Variants in RECQL5 observed in about 807,000 individuals in gnomAD.
The protein encoded by RECQL5 is RecQ like helicase 5, also known as ATP-dependent DNA helicase Q5.
In RECQL5, 88 loss-of-function variants were observed where a neutral mutation model predicts 103.4. That is an observed-to-expected ratio of 0.85 (90% CI 0.72 to 1.02). The LOEUF (loss-of-function observed/expected upper bound fraction) is 1.02. Among genes scored for constraint, RECQL5 ranks in the 50% least tolerant of loss-of-function variants. The pLI, the probability that RECQL5 is intolerant of heterozygous loss-of-function variation, is 0.00. For missense variants in RECQL5, 1,232 were observed against 1,284.3 expected, an observed-to-expected ratio of 0.96 and a Z score of 0.62; for synonymous variants, 552 against 507.9, an observed-to-expected ratio of 1.09 and a Z score of -1.17.
intron 7 of RECQL5, among the ~76,000 whole-genome samples, chr17:75,653,112 G>A (rs2059575700): frequency 6.6e-6 from 1 of 152,170 alleles, no homozygotes; most frequent in Non-Finnish European, 1.5e-5. Flanking sequence ...TCCTCAATCC[G>A]CAGACACTCA....
chr17:75,655,457 G>A (rs113476461), intron 7 of RECQL5, among the ~76,000 whole-genome samples: 4,133 of 146,886 alleles, frequency 0.028, 201 homozygotes, highest in African/African-American at 0.098. Context: ...TCCGCCTTCC[G>A]GGTTCATGCC....
At position 75,631,053 on chromosome 17, in the gene RECQL5, C is replaced by T. The variant is rs557529858; in HGVS notation, c.1549-43G>A. The T allele has an allele frequency of 3.0e-4, 478 of 1,611,424 alleles. 2 individuals are homozygous for T. The South Asian group carries it at 3.2e-3, about 11-fold the overall frequency. On this transcript the variant is annotated intron_variant, in intron 10 of 19. Coordinates refer to ENST00000317905, the MANE Select transcript of RECQL5 (RefSeq NM_004259.7). Reference sequence around the variant, plus strand: ...GGACCCATGAGGCGTCCTGCCCTGCCGCAGGACAGTCCCATCCAGCACCAG... The same window carrying T: ...GGACCCATGAGGCGTCCTGCCCTGCTGCAGGACAGTCCCATCCAGCACCAG...
chr17:75,662,685 C>T lies in RECQL5; in HGVS notation c.565G>A (p.Val189Met). 6.2e-7 allele frequency: 1 copy of T among 1,614,110 alleles called. No individual in the cohort carries two copies. The highest frequency in any genetic ancestry group is 8.5e-7 in the Non-Finnish European group (1 of 1,180,048). The change falls in exon 4 of 20, where the codon GTG (valine) becomes ATG (methionine). Residue 189 changes from valine to methionine, a missense_variant. Transcript: ENST00000317905. The part of the protein sequence containing the change: ...LRSRLGHAPC[V>M]ALTATATPQV... ...GGGGTGGCTGTGGCGGTCAGAGCCA[C>T]ACAAGGGGCATGTCCCAGGCGGGAG...
At chr17:75,656,483 A>T (rs775397805) in intron 7 of RECQL5, among the ~76,000 whole-genome samples, 10 of 150,260 alleles carry the variant, frequency 6.7e-5, no homozygotes, top group Non-Finnish European at 1.2e-4. Flanking sequence ...TTTTGTTTCT[A>T]TTTCTAGGTA....
chr17:75,652,248 T>C (rs1301258735), intron 7 of RECQL5, among the ~76,000 whole-genome samples: 2 of 151,424 alleles, frequency 1.3e-5, no homozygotes, highest in Admixed American at 6.6e-5. Context: ...TAAAATAAAA[T>C]AAAATAATGC....
chr17:75,645,831 G>C (rs1057380007), intron 8 of RECQL5, among the ~76,000 whole-genome samples: 5 of 152,192 alleles, frequency 3.3e-5, no homozygotes, highest in Non-Finnish European at 5.9e-5. Context: ...CAACCCCAGA[G>C]ACTGATATAA....
chr17:75,649,938 T>C (rs940890795), intron 8 of RECQL5: 1 of 985,582 alleles, frequency 1.0e-6, no homozygotes, highest in Non-Finnish European at 1.2e-6. Flanking sequence ...CAGAGGCCCT[T>C]GGGAGGACCT....
At position 75,631,254 on chromosome 17, in the gene RECQL5, G is replaced by C; in HGVS notation, c.1449-5C>G. 6.2e-7 allele frequency: 1 copy of C among 1,613,504 alleles called. No individual in the cohort carries two copies. The highest frequency in any genetic ancestry group is 8.5e-7 in the Non-Finnish European group (1 of 1,179,812). Reference sequence around the variant, plus strand: ...CCTCCAGAACCTTCGTCATACCTAGGGACAGGCCAGGCGTGAGTGGCCCTG... The same window carrying C: ...CCTCCAGAACCTTCGTCATACCTAGCGACAGGCCAGGCGTGAGTGGCCCTG... On this transcript the variant is annotated splice_region_variant and splice_polypyrimidine_tract_variant and intron_variant, in intron 9 of 19. Transcript: ENST00000317905.
chr17:75,649,659 C>G, intron 8 of RECQL5: 1 of 985,472 alleles, frequency 1.0e-6, no homozygotes, highest in Non-Finnish European at 1.2e-6. Flanking sequence ...TTGTGCTACA[C>G]GCCAGTTATG....
In RECQL5 at chr17:75,640,933, G is replaced by C. The variant is rs1269751173; in HGVS notation, c.1230-9265C>G. ...ATGGCTGAGGAGAAGCTGGAGAGGAGATGGCCAATGCCATGACACAGGCCA... is the reference window on the plus strand; with the variant it reads ...ATGGCTGAGGAGAAGCTGGAGAGGACATGGCCAATGCCATGACACAGGCCA... On this transcript the variant is annotated intron_variant, in intron 8 of 19. Transcript: ENST00000317905. This position sits in a 1 kb window ranked among gnomAD's most constrained non-coding sequence, Gnocchi z 4.6. 2.6e-6 allele frequency: 4 copies of C among 1,536,362 alleles called. No individual in the cohort carries two copies. In the South Asian group the frequency reaches 3.6e-5, roughly 14 times the overall value.
intron 8 of RECQL5, among the ~76,000 whole-genome samples, chr17:75,647,109 G>C (rs1014732430): frequency 6.6e-6 from 1 of 152,234 alleles, no homozygotes; most frequent in Admixed American, 6.5e-5. Context: ...GGAGAATCCA[G>C]GGGCATCCCC....
At chr17:75,658,075 G>A (rs2059650655) in intron 7 of RECQL5, among the ~76,000 whole-genome samples, 1 of 151,800 alleles carries the variant, frequency 6.6e-6, no homozygotes, top group South Asian at 2.1e-4. Flanking sequence ...AAAAAAGCTA[G>A]TATTAAGATA....
Position 75,640,663 on chromosome 17 carries a change from CG to C in RECQL5, c.1230-8996del. On this transcript the variant is annotated intron_variant, in intron 8 of 19. Transcript: ENST00000317905. The surrounding 1 kb of genome is among the most constrained non-coding windows in gnomAD (Gnocchi z 4.6). Reference sequence around the variant, plus strand: ...CCGTCCGCACCTCTCACCAGCCTCTCGGATCTTTCTGACCTCCACCAAACCT... The same window carrying C: ...CCGTCCGCACCTCTCACCAGCCTCTCGATCTTTCTGACCTCCACCAAACCT... 6.8e-7 allele frequency: 1 copy of C among 1,466,584 alleles called. No individual in the cohort carries two copies. 90.8% of individuals were successfully genotyped at this position (1,466,584 alleles called of 1,614,324 possible).
chr17:75,639,976 T>A, intron 8 of RECQL5: 4 of 549,026 alleles, frequency 7.3e-6, no homozygotes, highest in Non-Finnish European at 1.2e-5. Flanking sequence ...ACCGGCTTCC[T>A]CCACCCTGAG....
At chr17:75,666,632 T>C in intron 1 of RECQL5, 61 bp from the exon 2 acceptor site, 1 of 1,492,314 alleles carries the variant, frequency 6.7e-7, no homozygotes, top group Non-Finnish European at 9.1e-7. Flanking sequence ...TGTTTTGCAT[T>C]AAAAATACAG....
rs199621884 is a variant in RECQL5 at position 75,629,262 on chromosome 17, C to T, written c.2161G>A (p.Ala721Thr). The change falls in exon 16 of 20, where the codon GCT becomes ACT. Residue 721 changes from alanine to threonine, a missense_variant. Physicochemically the swap from Ala to Thr is moderately conservative, Grantham distance 58. Transcript: ENST00000317905. ...TCAGGGGAGGGCCCCCCATAGTGAG[C>T]GCTGCCTCCAGGGACCTCCCCTCTG... ...GPRGEVPGGS[A>T]HYGGPSPEKK... is the part of the protein sequence containing the mutation. The T allele has an allele frequency of 2.6e-5, 42 of 1,609,436 alleles. No individual in the cohort carries two copies. The highest frequency in any genetic ancestry group is 9.3e-5 in the African/African-American group (7 of 74,964).
At chr17:75,649,195 A>C (rs2059525424) in intron 8 of RECQL5, 1 of 152,360 alleles carries the variant, frequency 6.6e-6, no homozygotes, top group Middle Eastern at 3.4e-3. Context: ...CCAGGTCTAA[A>C]CACAAGGCTG....
intron 3 of RECQL5, among the ~76,000 whole-genome samples, chr17:75,664,097 A>G (rs963682610): frequency 6.6e-6 from 1 of 151,538 alleles, no homozygotes; most frequent in Non-Finnish European, 1.5e-5. Context: ...TAATGTATGT[A>G]AAGCACTTAG....
rs574168935 is a variant in RECQL5, at chr17:75,628,059, A to G, written c.2805+159T>C. ...CCTGCCCTGACCCCCAGAGCAACCC[A>G]CGGCCATGACCCAACGGCAAGGCAG... On this transcript the variant is annotated intron_variant, in intron 18 of 19. Coordinates refer to ENST00000317905, the MANE Select transcript of RECQL5 (RefSeq NM_004259.7). Among the ~76,000 whole-genome samples the G allele has an allele frequency of 3.3e-5, 5 of 149,680 alleles. No individual in the cohort carries two copies. In the South Asian group the frequency reaches 1.1e-3, roughly 31 times the overall value.
Sources: gnomAD v4.1 joint callset for allele counts (sites outside exome capture counted in the v4.1 genomes callset) on GRCh38, gnomAD v4.1.1 for gene constraint, Gnocchi (gnomAD v3.1) non-coding constraint, MANE v1.5 for transcripts, NCBI Gene and HGNC (gene_info 2026-07-23, HGNC 2026-07-21) for gene names.